Variants in GYPE observed in about 807,000 individuals in gnomAD.
GYPE encodes glycophorin E (MNS blood group), also known as glycophorin-E.
In GYPE, 8 loss-of-function variants were observed where a neutral mutation model predicts 11.6. The observed-to-expected ratio is 0.69, with a 90% CI of 0.41 to 1.25. The LOEUF (loss-of-function observed/expected upper bound fraction) is 1.25. Among genes scored for constraint, GYPE ranks in the 50% most tolerant of loss-of-function variants. The pLI is 0.01. For synonymous variants in GYPE, 28 were observed against 29.6 expected (o/e 0.94, Z 0.18); for missense variants, 90 against 92.8 (o/e 0.97, Z 0.12).
intron 1 of GYPE, among the ~76,000 whole-genome samples, chr4:143,893,279 G>A (rs1172910175): frequency 7.1e-6 from 1 of 140,192 alleles, no homozygotes; most frequent in East Asian, 2.0e-4. Context: ...GCCAGTCTGT[G>A]TCTTTTAATT....
intron 1 of GYPE, among the ~76,000 whole-genome samples, chr4:143,896,381 T>C (rs1578975681): frequency 6.6e-6 from 1 of 152,308 alleles, no homozygotes; most frequent in South Asian, 2.1e-4. Context: ...AGAAGACATT[T>C]ATGCAGCCAA....
At chr4:143,878,627 AT>A (rs1459346491) in intron 2 of GYPE, 1 of 475,222 alleles carries the variant, frequency 2.1e-6, no homozygotes, top group East Asian at 6.4e-5. Flanking sequence ...TCTTTGTCAA[AT>A]ATTAACATAT....
chr4:143,897,774 T>C (rs1302208988), intron 1 of GYPE, among the ~76,000 whole-genome samples: 1 of 152,034 alleles, frequency 6.6e-6, no homozygotes, highest in Non-Finnish European at 1.5e-5. Context: ...ATCCAGCTTA[T>C]CTAGCTCCAG....
chr4:143,883,341 G>C (rs1223382816), intron 1 of GYPE, among the ~76,000 whole-genome samples: 2 of 151,880 alleles, frequency 1.3e-5, no homozygotes, highest in Non-Finnish European at 2.9e-5. Flanking sequence ...ATAGCCTGCA[G>C]AACCATGAGG....
At chr4:143,894,952 C>T (rs1744567005) in intron 1 of GYPE, among the ~76,000 whole-genome samples, 1 of 152,106 alleles carries the variant, frequency 6.6e-6, no homozygotes, top group African/African-American at 2.4e-5. Context: ...CAAAATTCAA[C>T]AACTCTTTCA....
At chr4:143,881,209 G>A (rs1298279017) in intron 1 of GYPE, among the ~76,000 whole-genome samples, 5 of 149,466 alleles carry the variant, frequency 3.3e-5, no homozygotes, top group African/African-American at 9.8e-5. Context: ...AAAAAACCAC[G>A]CACGCAAACA....
chr4:143,876,590 C>T (rs1743819304), intron 3 of GYPE, among the ~76,000 whole-genome samples, 156 bp downstream of exon 3: 1 of 152,030 alleles, frequency 6.6e-6, no homozygotes, highest in South Asian at 2.1e-4. Flanking sequence ...ATAAATTATG[C>T]TAGAGAAACA....
At chr4:143,889,905 A>C (rs1744340375) in intron 1 of GYPE, among the ~76,000 whole-genome samples, 1 of 152,224 alleles carries the variant, frequency 6.6e-6, no homozygotes, top group African/African-American at 2.4e-5. Context: ...ACAGCAGCCA[A>C]GTGGCAGAGC....
At position 143,896,360 on chromosome 4, in the gene GYPE, T is replaced by C. The variant is rs1361053392; in HGVS notation, c.37+9111A>G. On this transcript the variant is annotated intron_variant, in intron 1 of 3. Coordinates refer to ENST00000358615, the MANE Select transcript of GYPE (RefSeq NM_198682.3). Reference sequence around the variant, plus strand: ...AAAGTGGGCAAAGGATATGAACAGATACTTCTCAAAAGAAGACATTTATGC... The same window carrying C: ...AAAGTGGGCAAAGGATATGAACAGACACTTCTCAAAAGAAGACATTTATGC... Among the ~76,000 whole-genome samples the C allele has an allele frequency of 2.4e-4, 36 of 152,162 alleles. No individual in the cohort carries two copies. In the East Asian group the frequency reaches 3.3e-3, roughly 14 times the overall value.
At chr4:143,895,449 G>C (rs937014996) in intron 1 of GYPE, among the ~76,000 whole-genome samples, 2 of 150,670 alleles carry the variant, frequency 1.3e-5, no homozygotes, top group Admixed American at 1.3e-4. Flanking sequence ...CAACTTACAA[G>C]GGATGTTAAG....
At chr4:143,889,495 G>A (rs1423909973) in intron 1 of GYPE, among the ~76,000 whole-genome samples, 1 of 152,124 alleles carries the variant, frequency 6.6e-6, no homozygotes, top group Non-Finnish European at 1.5e-5. Context: ...TAAGATGAGA[G>A]TAGTGGAACA....
rs181984488 is a variant in GYPE at position 143,877,452 on chromosome 4, A to G, written c.137-597T>C. ...ACAGTATTCTTATGCATAGTCTCCA[A>G]TATAGTCAATAAAAATGCTTGTTAA... is the stretch of plus-strand genomic sequence containing the variant. On this transcript the variant is annotated intron_variant, in intron 2 of 3. Coordinates refer to ENST00000358615, the MANE Select transcript of GYPE (RefSeq NM_198682.3). Among the ~76,000 whole-genome samples, 423 of 152,322 alleles carry G rather than the reference A, an allele frequency of 2.8e-3. 1 individual carries two copies. Among genetic ancestry groups the G allele is most frequent in the African/African-American group, 9.4e-3 (392 of 41,568 alleles).
intron 1 of GYPE, among the ~76,000 whole-genome samples, chr4:143,880,805 T>C (rs930865068): frequency 5.3e-5 from 8 of 152,188 alleles, no homozygotes; most frequent in South Asian, 2.1e-4. Context: ...CAAAATGTCA[T>C]TGTGAGAATG....
chr4:143,900,010 T>C (rs577817397), intron 1 of GYPE, among the ~76,000 whole-genome samples: 10 of 123,750 alleles, frequency 8.1e-5, no homozygotes, highest in Admixed American at 4.5e-4. Context: ...AAAACAAAAA[T>C]CTACAGAATG....
rs573047474 is a variant in GYPE, at chr4:143,878,045, G to A, written c.137-1190C>T. Among the ~76,000 whole-genome samples, 122 of 150,738 alleles carry A rather than the reference G, an allele frequency of 8.1e-4. 1 individual carries two copies. The highest frequency in any genetic ancestry group is 2.8e-3 in the African/African-American group (115 of 41,118). ...GGCTTCTTTCAAGTACTCAGGGTTG[G>A]TTAGAAAGGTAAAACATCTAACTTA... On this transcript the variant is annotated intron_variant, in intron 2 of 3. Coordinates refer to ENST00000358615, the MANE Select transcript of GYPE (RefSeq NM_198682.3).
At chr4:143,876,216 C>T (rs1354239067) in intron 3 of GYPE, among the ~76,000 whole-genome samples, 2 of 151,992 alleles carry the variant, frequency 1.3e-5, no homozygotes, top group Non-Finnish European at 2.9e-5. Context: ...CAGGCTGAAG[C>T]AATCCTCCCA....
intron 1 of GYPE, among the ~76,000 whole-genome samples, chr4:143,880,916 ATTG>A (rs905701577): frequency 2.4e-5 from 3 of 124,986 alleles, no homozygotes; most frequent in Non-Finnish European, 6.0e-5. Flanking sequence ...GTTGGGTATT[ATTG>A]TTATTATGCT....
At chr4:143,873,611 A>T (rs1391442027) in intron 3 of GYPE, 1 of 348,598 alleles carries the variant, frequency 2.9e-6, no homozygotes, top group Non-Finnish European at 5.7e-6. Flanking sequence ...ACCCAGATAG[A>T]GACAACAATT....
chr4:143,903,317 GC>G (rs896071957), intron 1 of GYPE, among the ~76,000 whole-genome samples: 27 of 151,154 alleles, frequency 1.8e-4, no homozygotes, highest in African/African-American at 6.4e-4. Context: ...TTTTCTTCCT[GC>G]CCTGGGCTCA....
Sources: gnomAD v4.1 joint callset for allele counts (sites outside exome capture counted in the v4.1 genomes callset) on GRCh38, gnomAD v4.1.1 for gene constraint, MANE v1.5 for transcripts, NCBI Gene and HGNC (gene_info 2026-07-23, HGNC 2026-07-21) for gene names.